Variants in KIRREL3 observed in about 807,000 individuals in gnomAD.
The protein encoded by KIRREL3 is kirre like nephrin family adhesion molecule 3.
Under a neutral mutation model 89.7 loss-of-function variants are expected in KIRREL3, and 36 were observed. That is an observed-to-expected ratio of 0.40 (90% CI 0.31 to 0.53). KIRREL3 has a LOEUF of 0.53. Among genes scored for constraint, KIRREL3 ranks in the 20% least tolerant of loss-of-function variants. The probability of loss-of-function intolerance (pLI) is 0.49; values close to 1 mark genes in which losing one functional copy is unlikely to be tolerated. For missense variants in KIRREL3, 864 were observed against 1,056.6 expected, an observed-to-expected ratio of 0.82 and a Z score of 2.53; for synonymous variants, 445 against 441.4, an observed-to-expected ratio of 1.01 and a Z score of -0.10.
intron 5 of KIRREL3, among the ~76,000 whole-genome samples, chr11:126,466,883 G>A (rs534691876): frequency 6.6e-6 from 1 of 152,288 alleles, no homozygotes; most frequent in East Asian, 1.9e-4. Flanking sequence ...TTCATGGTGG[G>A]CCACTCACTG....
chr11:126,838,189 G>A (rs1047670302), intron 1 of KIRREL3, among the ~76,000 whole-genome samples: 1 of 152,150 alleles, frequency 6.6e-6, no homozygotes, highest in Admixed American at 6.5e-5. Context: ...TTAAATCAAT[G>A]TGCAGAAGCA....
rs981159430 is a variant in KIRREL3 at position 126,694,267 on chromosome 11, A to G, written c.56-131355T>C. Among the ~76,000 whole-genome samples, 1 of 152,210 alleles carries G rather than the reference A, an allele frequency of 6.6e-6. No homozygotes were observed. Among genetic ancestry groups the G allele is most frequent in the Non-Finnish European group, 1.5e-5 (1 of 68,034 alleles). ...AGCTCATCAAACCTTGGAAATGCTC[A>G]CTGCAAATGGTTGTTCTTGTTTTAT... On this transcript the variant is annotated intron_variant, in intron 1 of 16. Coordinates refer to ENST00000525144, the MANE Select transcript of KIRREL3 (RefSeq NM_032531.4). The surrounding 1 kb of genome is among the most constrained non-coding windows in gnomAD (Gnocchi z 4.4).
rs1240192364 is a variant in KIRREL3 at position 126,645,355 on chromosome 11, T to C, written c.56-82443A>G. On this transcript the variant is annotated intron_variant, in intron 1 of 16. Coordinates refer to ENST00000525144, the MANE Select transcript of KIRREL3 (RefSeq NM_032531.4). This position sits in a 1 kb window ranked among gnomAD's most constrained non-coding sequence, Gnocchi z 4.9. ...CTGAATACTTCTCTCCCAGAGCATTTACCACACGGTGCTGCTGGTATGCCA... is the reference window on the plus strand; with the variant it reads ...CTGAATACTTCTCTCCCAGAGCATTCACCACACGGTGCTGCTGGTATGCCA... Among the ~76,000 whole-genome samples the C allele has an allele frequency of 6.6e-6, 1 of 152,190 alleles. No homozygotes were observed. The highest frequency in any genetic ancestry group is 1.5e-5 in the Non-Finnish European group (1 of 68,038).
chr11:126,473,456 A>C lies in KIRREL3; in HGVS notation c.444T>G (p.Asp148Glu). The C allele has an allele frequency of 6.4e-7, 1 of 1,555,486 alleles. No homozygotes were observed. Among genetic ancestry groups the C allele is most frequent in the Non-Finnish European group, 8.8e-7 (1 of 1,138,750 alleles). Residue 148 changes from aspartate (D) to glutamate (E), a missense_variant, in exon 5 of 17, where the codon GAT becomes GAG. By Grantham distance (45) the Asp-to-Glu change is conservative (BLOSUM62 2). Transcript: ENST00000525144. The stretch of plus-strand genomic sequence containing the variant: ...CAGGGCCCCCCAGGATGACGGGGTC[A>C]TCAGGCGGCACTGCGGGGAGAGAAG... ...PARLTVLVPP[D>E]DPVILGGPVI...
chr11:126,529,680 C>T (rs1422026966), intron 2 of KIRREL3, among the ~76,000 whole-genome samples: 2 of 150,736 alleles, frequency 1.3e-5, no homozygotes, highest in South Asian at 4.2e-4. Context: ...TATGGAAAGA[C>T]TGTTTCTGGG....
rs11220680 is a variant in KIRREL3 at position 126,970,914 on chromosome 11, A to G, written c.55+29541T>C. Reference sequence around the variant, plus strand: ...GCAGGAGAACCACAAACAGAAGCACATGGCGGTGCTATGGCTTCTCCCCCA... The same window carrying G: ...GCAGGAGAACCACAAACAGAAGCACGTGGCGGTGCTATGGCTTCTCCCCCA... On this transcript the variant is annotated intron_variant, in intron 1 of 16. Coordinates refer to ENST00000525144, the MANE Select transcript of KIRREL3 (RefSeq NM_032531.4). The surrounding 1 kb of genome is among the most constrained non-coding windows in gnomAD (Gnocchi z 4.4). 9.5e-3 allele frequency among the ~76,000 whole-genome samples: 1,445 copies of G among 152,316 alleles called. 21 individuals are homozygous for G. The highest frequency in any genetic ancestry group is 0.033 in the African/African-American group (1,366 of 41,570).
In KIRREL3 at chr11:126,791,657, G is replaced by A. The variant is rs546544385; in HGVS notation, c.55+208798C>T. Among the ~76,000 whole-genome samples the A allele has an allele frequency of 4.7e-4, 71 of 152,298 alleles. No individual in the cohort carries two copies. Among genetic ancestry groups the A allele is most frequent in the Non-Finnish European group, 1.9e-4 (13 of 68,020 alleles). On this transcript the variant is annotated intron_variant, in intron 1 of 16. Coordinates refer to ENST00000525144, the MANE Select transcript of KIRREL3 (RefSeq NM_032531.4). This position sits in a 1 kb window ranked among gnomAD's most constrained non-coding sequence, Gnocchi z 4.8. ...CAGGGGTCAGCCATCCAGGCCACAG[G>A]GTCCAGGGGCCCAGATTCCCATGGC...
intron 1 of KIRREL3, among the ~76,000 whole-genome samples, chr11:126,572,036 G>A (rs1294431842): frequency 6.6e-6 from 1 of 152,218 alleles, no homozygotes; most frequent in Non-Finnish European, 1.5e-5. Context: ...CGTGACTAGT[G>A]TTTGAATGGG....
At position 126,491,405 on chromosome 11, in the gene KIRREL3, G is replaced by A. The variant is rs1411472728; in HGVS notation, c.434-17939C>T. Among the ~76,000 whole-genome samples the A allele has an allele frequency of 6.6e-6, 1 of 152,216 alleles. No individual in the cohort carries two copies. The highest frequency in any genetic ancestry group is 2.4e-5 in the African/African-American group (1 of 41,450). On this transcript the variant is annotated intron_variant, in intron 4 of 16. Transcript: ENST00000525144. The surrounding 1 kb of genome is among the most constrained non-coding windows in gnomAD (Gnocchi z 5.5). The stretch of plus-strand genomic sequence containing the variant: ...GGGAAAGAAAGCGCCCTCTCTTCCT[G>A]CAGGGCTGGCTGAGAACTAATTCAA...
intron 1 of KIRREL3, among the ~76,000 whole-genome samples, chr11:126,602,226 C>T (rs1472641643): frequency 1.3e-5 from 2 of 152,298 alleles, no homozygotes; most frequent in Non-Finnish European, 1.5e-5. Context: ...TGTGTGCTCA[C>T]TGTCAGAGGT....
Position 126,682,748 on chromosome 11 carries a change from T to C in KIRREL3, c.56-119836A>G, listed in dbSNP as rs949493062. Among the ~76,000 whole-genome samples the C allele has an allele frequency of 1.4e-4, 21 of 152,080 alleles. No individual in the cohort carries two copies. The highest frequency in any genetic ancestry group is 2.2e-4 in the Non-Finnish European group (15 of 68,024). ...AACAGGGCTGGTGCTCCTAGGAGAA[T>C]CTAACGCCTCTGCTGATCTGACAGG... On this transcript the variant is annotated intron_variant, in intron 1 of 16. Coordinates refer to ENST00000525144, the MANE Select transcript of KIRREL3 (RefSeq NM_032531.4). The surrounding 1 kb of genome is among the most constrained non-coding windows in gnomAD (Gnocchi z 4.8).
At position 126,943,211 on chromosome 11, in the gene KIRREL3, T is replaced by C. The variant is rs1948511597; in HGVS notation, c.55+57244A>G. On this transcript the variant is annotated intron_variant, in intron 1 of 16. Transcript: ENST00000525144. This position sits in a 1 kb window ranked among gnomAD's most constrained non-coding sequence, Gnocchi z 4.2. ...TCTCAGGATTGGCTTTTGAGGTGTT[T>C]CTGGGCCTTAAGCAGCTCCCATGGT... 2.0e-5 allele frequency among the ~76,000 whole-genome samples: 3 copies of C among 152,212 alleles called. No homozygotes were observed. The highest frequency in any genetic ancestry group is 7.2e-5 in the African/African-American group (3 of 41,446).
chr11:126,809,328 C>T (rs180765546), intron 1 of KIRREL3, among the ~76,000 whole-genome samples: 1 of 152,208 alleles, frequency 6.6e-6, no homozygotes, highest in Non-Finnish European at 1.5e-5. Context: ...ATAAGAGGGA[C>T]CCCAATTCAA....
At chr11:126,774,065 G>A (rs1206073087) in intron 1 of KIRREL3, among the ~76,000 whole-genome samples, 1 of 152,126 alleles carries the variant, frequency 6.6e-6, no homozygotes, top group African/African-American at 2.4e-5. Context: ...GGAAAGGAGG[G>A]AGGAGAAATA....
chr11:126,508,683 T>A lies in KIRREL3; in HGVS notation c.433+12632A>T, dbSNP rs1958104530. Among the ~76,000 whole-genome samples the A allele has an allele frequency of 6.6e-6, 1 of 151,728 alleles. No individual in the cohort carries two copies. The highest frequency in any genetic ancestry group is 6.6e-5 in the Admixed American group (1 of 15,218). On this transcript the variant is annotated intron_variant, in intron 4 of 16. Coordinates refer to ENST00000525144, the MANE Select transcript of KIRREL3 (RefSeq NM_032531.4). The surrounding 1 kb of genome is among the most constrained non-coding windows in gnomAD (Gnocchi z 4.9). ...CATAATTGAGCATAAAGGGCCAGGG[T>A]TTCAGAGCCAGAAGCGACTGCATTC...
chr11:126,437,156 A>C (rs1955379442), intron 11 of KIRREL3, 147 bp from the exon 12 acceptor site: 5 of 679,628 alleles, frequency 7.4e-6, no homozygotes, highest in Non-Finnish European at 1.2e-5. Flanking sequence ...ATGCAGGCAC[A>C]CATGCCACAC....
chr11:126,803,405 T>A (rs140503570), intron 1 of KIRREL3, among the ~76,000 whole-genome samples: 2,393 of 152,286 alleles, frequency 0.016, 40 homozygotes, highest in Middle Eastern at 0.034. Context: ...CCTAGTCGCA[T>A]GAGGACTGGG....
At position 126,553,556 on chromosome 11, in the gene KIRREL3, T is replaced by A. The variant is rs1939452841; in HGVS notation, c.133+9279A>T. 6.6e-6 allele frequency among the ~76,000 whole-genome samples: 1 copy of A among 152,202 alleles called. No homozygotes were observed. Among genetic ancestry groups the A allele is most frequent in the South Asian group, 2.1e-4 (1 of 4,832 alleles). Reference sequence around the variant, plus strand: ...TCTCTACACTGCTGCGGTGCCTCCATATCTACCCATTTCATGAGCCCAGGT... The same window carrying A: ...TCTCTACACTGCTGCGGTGCCTCCAAATCTACCCATTTCATGAGCCCAGGT... On this transcript the variant is annotated intron_variant, in intron 2 of 16. Coordinates refer to ENST00000525144, the MANE Select transcript of KIRREL3 (RefSeq NM_032531.4). The surrounding 1 kb of genome is among the most constrained non-coding windows in gnomAD (Gnocchi z 4.7).
At chr11:126,925,622 T>C (rs1947682255) in intron 1 of KIRREL3, among the ~76,000 whole-genome samples, 1 of 152,134 alleles carries the variant, frequency 6.6e-6, no homozygotes, top group Non-Finnish European at 1.5e-5. Flanking sequence ...CCACCAGCCG[T>C]CCAGCTTCAT....
Sources: gnomAD v4.1 joint callset for allele counts (sites outside exome capture counted in the v4.1 genomes callset) on GRCh38, gnomAD v4.1.1 for gene constraint, Gnocchi (gnomAD v3.1) non-coding constraint, MANE v1.5 for transcripts, NCBI Gene and HGNC (gene_info 2026-07-23, HGNC 2026-07-21) for gene names.